Variants in PCDH7 observed in about 807,000 individuals in gnomAD.
PCDH7 encodes the protein protocadherin 7, also known as protocadherin-7.
Under a neutral mutation model 58.9 loss-of-function variants are expected in PCDH7, and 17 were observed. The observed-to-expected ratio is 0.29, with a 90% CI of 0.20 to 0.43. PCDH7 has a LOEUF of 0.43. Among genes scored for constraint, PCDH7 ranks in the 20% least tolerant of loss-of-function variants. The pLI is 1.00. For synonymous variants in PCDH7, 664 were observed against 616.4 expected (o/e 1.08, Z -1.14); for missense variants, 1,274 against 1,441.0 (o/e 0.88, Z 1.88).
At chr4:30,946,055 G>T (rs1214480349) in intron 2 of PCDH7, among the ~76,000 whole-genome samples, 2 of 152,144 alleles carry the variant, frequency 1.3e-5, no homozygotes, top group Non-Finnish European at 2.9e-5. Flanking sequence ...GGTTGCAGAA[G>T]CCCTGAGTAT....
At chr4:30,907,283 G>A (rs1741074595) in intron 1 of PCDH7, among the ~76,000 whole-genome samples, 1 of 152,092 alleles carries the variant, frequency 6.6e-6, no homozygotes, top group Admixed American at 6.5e-5. Flanking sequence ...AAGAGCTTCT[G>A]CACAGCAAAA....
chr4:30,776,104 A>G (rs1415243151), intron 1 of PCDH7, among the ~76,000 whole-genome samples: 2 of 152,180 alleles, frequency 1.3e-5, no homozygotes, highest in Non-Finnish European at 2.9e-5. Flanking sequence ...TTTAAATTTT[A>G]TGACCTTTGG....
chr4:30,938,998 G>A (rs192521852), intron 2 of PCDH7, among the ~76,000 whole-genome samples: 1 of 152,148 alleles, frequency 6.6e-6, no homozygotes, highest in Admixed American at 6.5e-5. Flanking sequence ...TCAAAATACT[G>A]CTTTAAGGCT....
chr4:30,730,493 G>C (rs1384174600), intron 1 of PCDH7, among the ~76,000 whole-genome samples: 2 of 152,108 alleles, frequency 1.3e-5, no homozygotes, highest in Non-Finnish European at 2.9e-5. Context: ...TTATTTTCAG[G>C]AATGTAGTGA....
chr4:30,852,290 A>G lies in PCDH7; in HGVS notation c.71-67863A>G, dbSNP rs532137116. On this transcript the variant is annotated intron_variant, in intron 1 of 3. Transcript: ENST00000509759. ...GAAGTCCCTTTGTTTATATGTAGATATATACAGATTCATGTAGTATAGGAT... is the reference window on the plus strand; with the variant it reads ...GAAGTCCCTTTGTTTATATGTAGATGTATACAGATTCATGTAGTATAGGAT... Among the ~76,000 whole-genome samples the G allele has an allele frequency of 1.6e-4, 24 of 152,206 alleles. No individual in the cohort carries two copies. In the East Asian group the frequency reaches 3.5e-3, roughly 22 times the overall value.
At chr4:31,017,753 CG>C (rs1252262253) in intron 3 of PCDH7, among the ~76,000 whole-genome samples, 2 of 146,700 alleles carry the variant, frequency 1.4e-5, no homozygotes, top group African/African-American at 2.6e-5. Context: ...TAGCTCAAGG[CG>C]GGGATAGATA....
intron 1 of PCDH7, among the ~76,000 whole-genome samples, chr4:30,757,435 A>G (rs1444665187): frequency 6.6e-6 from 1 of 152,162 alleles, no homozygotes. Context: ...GCATTTTCTG[A>G]CTTTCCTCGC....
At chr4:30,777,570 G>T (rs1722239679) in intron 1 of PCDH7, among the ~76,000 whole-genome samples, 1 of 152,032 alleles carries the variant, frequency 6.6e-6, no homozygotes, top group Non-Finnish European at 1.5e-5. Flanking sequence ...ATAATCAGTG[G>T]GTTGATTTCA....
chr4:30,727,200 C>T (rs1714731237), intron 1 of PCDH7, among the ~76,000 whole-genome samples: 1 of 151,622 alleles, frequency 6.6e-6, no homozygotes, highest in African/African-American at 2.4e-5. Context: ...TCCTGAATTG[C>T]CTTATTGCAG....
chr4:30,913,987 C>T (rs1046668347), intron 1 of PCDH7, among the ~76,000 whole-genome samples: 2 of 152,130 alleles, frequency 1.3e-5, no homozygotes, highest in African/African-American at 4.8e-5. Flanking sequence ...TCGCACACCC[C>T]TTCCTCTGAT....
chr4:31,097,618 AT>A (rs1560221766), intron 3 of PCDH7, among the ~76,000 whole-genome samples: 1 of 37,604 alleles, frequency 2.7e-5, no homozygotes, highest in Non-Finnish European at 4.0e-5. Flanking sequence ...ATATATATAT[AT>A]ATATATATAT....
intron 1 of PCDH7, among the ~76,000 whole-genome samples, chr4:30,877,719 A>G (rs919526462): frequency 1.3e-4 from 20 of 152,174 alleles, no homozygotes; most frequent in Admixed American, 8.5e-4. Flanking sequence ...TGGTAACTAC[A>G]TGGTATTCAG....
intron 3 of PCDH7, among the ~76,000 whole-genome samples, chr4:31,082,089 T>C (rs528573905): frequency 1.3e-5 from 2 of 152,188 alleles, no homozygotes; most frequent in South Asian, 2.1e-4. Flanking sequence ...CCTGGCCTTT[T>C]TAAAAAATTT....
chr4:31,139,274 A>G (rs568903113), intron 3 of PCDH7, among the ~76,000 whole-genome samples: 14 of 152,336 alleles, frequency 9.2e-5, no homozygotes, highest in Admixed American at 9.1e-4. Flanking sequence ...GAAAATGCTT[A>G]CAGAGAATAC....
chr4:30,756,391 A>G (rs954070218), intron 1 of PCDH7, among the ~76,000 whole-genome samples: 3 of 152,152 alleles, frequency 2.0e-5, no homozygotes, highest in Admixed American at 1.3e-4. Flanking sequence ...CTATGTCCAA[A>G]TGATAGCACC....
intron 1 of PCDH7, among the ~76,000 whole-genome samples, chr4:30,726,436 A>G (rs983257024): frequency 6.6e-6 from 1 of 151,974 alleles, no homozygotes; most frequent in African/African-American, 2.4e-5. Context: ...TTATGCAAAC[A>G]CTTCATATGT....
At chr4:30,786,758 G>A (rs1374652) in intron 1 of PCDH7, 324,443 of 977,946 alleles carry the variant, frequency 0.33, 55,894 homozygotes, top group African/African-American at 0.51. Flanking sequence ...AACCCCTCTG[G>A]CCACATTGAG....
chr4:30,760,655 T>G (rs754069337), intron 1 of PCDH7, among the ~76,000 whole-genome samples: 1 of 152,144 alleles, frequency 6.6e-6, no homozygotes, highest in Non-Finnish European at 1.5e-5. Flanking sequence ...GAAGGAACTC[T>G]TCAAGGGGAA....
chr4:30,895,232 C>T (rs1739256002), intron 1 of PCDH7, among the ~76,000 whole-genome samples: 1 of 151,414 alleles, frequency 6.6e-6, no homozygotes, highest in South Asian at 2.1e-4. Context: ...GAAAATCTTC[C>T]AATTTAATCA....
Sources: gnomAD v4.1 joint callset for allele counts (sites outside exome capture counted in the v4.1 genomes callset) on GRCh38, gnomAD v4.1.1 for gene constraint, MANE v1.5 for transcripts, NCBI Gene and HGNC (gene_info 2026-07-23, HGNC 2026-07-21) for gene names.